Variants in AK5 observed in about 807,000 individuals in gnomAD.
AK5 encodes the protein adenylate kinase isoenzyme 5.
AK5 carries 27 observed loss-of-function variants against 69.5 expected under a neutral mutation model. The ratio of observed to expected loss-of-function variants is 0.39; its 90% CI spans 0.29 to 0.54. The LOEUF is 0.54. Ranked by LOEUF, AK5 falls within the 20% of genes least tolerant of loss-of-function variation. The probability of loss-of-function intolerance (pLI) is 0.71; values close to 1 mark genes in which losing one functional copy is unlikely to be tolerated. For synonymous variants in AK5, 260 were observed against 244.4 expected (o/e 1.06, Z -0.60); for missense variants, 531 against 700.4 (o/e 0.76, Z 2.73).
At chr1:77,473,250 C>T (rs1183786830) in intron 8 of AK5, among the ~76,000 whole-genome samples, 2 of 150,490 alleles carry the variant, frequency 1.3e-5, no homozygotes, top group African/African-American at 2.4e-5. Flanking sequence ...GAGACAGGGT[C>T]TCTGTTGCCC....
chr1:77,342,294 T>C (rs1661697118), intron 6 of AK5, among the ~76,000 whole-genome samples: 1 of 152,226 alleles, frequency 6.6e-6, no homozygotes, highest in African/African-American at 2.4e-5. Context: ...ATTTAATTGA[T>C]GTTTGTAAGG....
At chr1:77,490,982 G>T (rs1167799423) in intron 10 of AK5, among the ~76,000 whole-genome samples, 1 of 152,006 alleles carries the variant, frequency 6.6e-6, no homozygotes, top group African/African-American at 2.4e-5. Flanking sequence ...GTGAGGTATG[G>T]TATTAACAAC....
At chr1:77,497,209 G>A (rs549265481) in intron 10 of AK5, among the ~76,000 whole-genome samples, 80 of 151,872 alleles carry the variant, frequency 5.3e-4, no homozygotes, top group African/African-American at 1.8e-3. Flanking sequence ...GAGCTGTAAC[G>A]CTCACTGCGA....
chr1:77,474,957 A>G (rs1025272008), intron 8 of AK5, among the ~76,000 whole-genome samples: 9 of 151,838 alleles, frequency 5.9e-5, no homozygotes, highest in Non-Finnish European at 1.0e-4. Context: ...GGTGTGCACC[A>G]TGTCTAGCTA....
At chr1:77,440,100 T>C (rs924186620) in intron 8 of AK5, among the ~76,000 whole-genome samples, 1 of 152,174 alleles carries the variant, frequency 6.6e-6, no homozygotes, top group Non-Finnish European at 1.5e-5. Context: ...TTTTTCGTAA[T>C]GATGATGATG....
intron 6 of AK5, among the ~76,000 whole-genome samples, chr1:77,404,727 G>C (rs917220438): frequency 6.6e-6 from 1 of 152,150 alleles, no homozygotes; most frequent in East Asian, 1.9e-4. Context: ...CAGCATCTGC[G>C]CCATCCCATG....
At chr1:77,432,082 T>C (rs898555360) in intron 8 of AK5, among the ~76,000 whole-genome samples, 1 of 152,230 alleles carries the variant, frequency 6.6e-6, no homozygotes, top group Non-Finnish European at 1.5e-5. Context: ...CAAGCACTGT[T>C]TTTCAGCTGT....
chr1:77,450,973 C>G (rs1238475685), intron 8 of AK5, among the ~76,000 whole-genome samples: 1 of 152,072 alleles, frequency 6.6e-6, no homozygotes, highest in East Asian at 1.9e-4. Context: ...CCCAGGAGTT[C>G]AAGACCAGCC....
intron 8 of AK5, among the ~76,000 whole-genome samples, chr1:77,474,722 G>A (rs1222295534): frequency 1.3e-5 from 2 of 152,144 alleles, no homozygotes; most frequent in African/African-American, 2.4e-5. Flanking sequence ...CTTAAAGAAA[G>A]GTGATGTGAC....
chr1:77,473,209 T>G (rs564546904), intron 8 of AK5, among the ~76,000 whole-genome samples: 1 of 151,974 alleles, frequency 6.6e-6, no homozygotes, highest in South Asian at 2.1e-4. Flanking sequence ...GGTTTTTTTT[T>G]TTTTGGTGTT....
intron 8 of AK5, among the ~76,000 whole-genome samples, chr1:77,427,249 C>A (rs562176324): frequency 6.6e-6 from 1 of 152,012 alleles, no homozygotes; most frequent in South Asian, 2.1e-4. Context: ...AATCAATGAG[C>A]CTCTAGCCAG....
Position 77,417,717 on chromosome 1 carries a change from T to G in AK5, c.1059+2T>G. On this transcript the variant is annotated splice_donor_variant, in intron 8 of 13. Transcript: ENST00000354567. LOFTEE classifies it high-confidence loss of function. ...ACAGGATCTGATTATGAAGATCAGGTAATTAAAATCTGAAAATAGTTCTCT... is the reference window on the plus strand; with the variant it reads ...ACAGGATCTGATTATGAAGATCAGGGAATTAAAATCTGAAAATAGTTCTCT... The G allele has an allele frequency of 6.4e-7, 1 of 1,568,810 alleles. No homozygotes were observed. The highest frequency in any genetic ancestry group is 8.7e-7 in the Non-Finnish European group (1 of 1,143,584).
At chr1:77,307,680 T>G (rs1659719294) in intron 5 of AK5, among the ~76,000 whole-genome samples, 2 of 152,202 alleles carry the variant, frequency 1.3e-5, no homozygotes, top group African/African-American at 4.8e-5. Context: ...GTCTGGAAGA[T>G]CTTTCCAATG....
chr1:77,349,897 G>T (rs192806424), intron 6 of AK5, among the ~76,000 whole-genome samples: 1 of 152,136 alleles, frequency 6.6e-6, no homozygotes, highest in Admixed American at 6.5e-5. Flanking sequence ...TAAGTCTTAC[G>T]TTCCATTTCC....
intron 10 of AK5, among the ~76,000 whole-genome samples, chr1:77,514,077 A>G (rs1324424722): frequency 6.6e-6 from 1 of 152,194 alleles, no homozygotes; most frequent in Non-Finnish European, 1.5e-5. Flanking sequence ...CGTTCACAGT[A>G]CATGCACTTT....
At chr1:77,333,444 T>A (rs1013284447) in intron 5 of AK5, among the ~76,000 whole-genome samples, 7 of 152,236 alleles carry the variant, frequency 4.6e-5, no homozygotes, top group African/African-American at 1.4e-4. Context: ...TAGGTTTAAA[T>A]CCAGTATTTT....
At chr1:77,302,920 T>A (rs80107736) in intron 5 of AK5, among the ~76,000 whole-genome samples, 6,708 of 152,246 alleles carry the variant, frequency 0.044, 207 homozygotes, top group South Asian at 0.094. Context: ...TGCAATGACA[T>A]AACAGGGGTT....
chr1:77,531,762 C>CT, intron 12 of AK5, among the ~76,000 whole-genome samples: 1 of 151,844 alleles, frequency 6.6e-6, no homozygotes, highest in South Asian at 2.1e-4. Flanking sequence ...GCCCTGCGCC[C>CT]GCACTCCTCA....
At chr1:77,490,060 T>TGACTA (rs1421322908) in intron 10 of AK5, among the ~76,000 whole-genome samples, 1 of 151,840 alleles carries the variant, frequency 6.6e-6, no homozygotes, top group Non-Finnish European at 1.5e-5. Flanking sequence ...TACTACTTAA[T>TGACTA]GACTAGAACA....
Sources: allele counts gnomAD v4.1 joint callset (sites outside exome capture counted in the v4.1 genomes callset), GRCh38; gene constraint gnomAD v4.1.1; transcripts MANE v1.5; gene names NCBI Gene and HGNC (gene_info 2026-07-23, HGNC 2026-07-21).